PCCA: variants seen among roughly 807,000 people sequenced by gnomAD.
PCCA encodes propionyl-CoA carboxylase alpha chain, mitochondrial.
In PCCA, 74 loss-of-function variants were observed where a neutral mutation model predicts 101.3. That is an observed-to-expected ratio of 0.73 (90% CI 0.61 to 0.89). PCCA has a LOEUF of 0.89. PCCA is among the 40% of genes least tolerant of loss of function. The pLI is 0.00. For missense variants in PCCA, 891 were observed against 907.0 expected (o/e 0.98, Z 0.23); for synonymous variants, 294 against 313.6 (o/e 0.94, Z 0.66).
At chr13:100,174,002 A>C (rs1316924322) in intron 6 of PCCA, among the ~76,000 whole-genome samples, 1 of 152,172 alleles carries the variant, frequency 6.6e-6, no homozygotes, top group African/African-American at 2.4e-5. Context: ...TTTTCTTTAT[A>C]AATTACCCAG....
chr13:100,237,238 T>C (rs1179325850), intron 8 of PCCA: 1 of 152,244 alleles, frequency 6.6e-6, no homozygotes, highest in Admixed American at 6.5e-5. Flanking sequence ...CAGTTTGGCT[T>C]ATTGCACCCT....
At chr13:100,451,739 TTCTCTC>T (rs2081264143) in intron 21 of PCCA, among the ~76,000 whole-genome samples, 3 of 87,262 alleles carry the variant, frequency 3.4e-5, no homozygotes, top group Admixed American at 1.3e-4. Context: ...TCTCTCTCTC[TTCTCTC>T]CTTCCTCTCC....
At chr13:100,131,184 G>C (rs1411138043) in intron 4 of PCCA, among the ~76,000 whole-genome samples, 8 of 152,112 alleles carry the variant, frequency 5.3e-5, no homozygotes, top group Non-Finnish European at 1.2e-4. Flanking sequence ...TTCTCTGTGA[G>C]GTCTGTGCAA....
intron 22 of PCCA, 134 bp from the exon 23 acceptor site, chr13:100,527,541 A>G (rs1372737976): frequency 8.4e-6 from 6 of 713,874 alleles, no homozygotes; most frequent in Non-Finnish European, 1.5e-5. Context: ...AATAGGAAAC[A>G]TTAGAGATTG....
chr13:100,262,330 G>A (rs2062575372), intron 9 of PCCA, among the ~76,000 whole-genome samples: 1 of 151,864 alleles, frequency 6.6e-6, no homozygotes, highest in Non-Finnish European at 1.5e-5. Context: ...GCAGGCAGAG[G>A]TTGCAGTGAG....
At chr13:100,158,870 C>A (rs2054142259) in intron 6 of PCCA, among the ~76,000 whole-genome samples, 1 of 151,810 alleles carries the variant, frequency 6.6e-6, no homozygotes, top group Non-Finnish European at 1.5e-5. Context: ...GCCTATCAAG[C>A]CTAAAATACT....
At chr13:100,308,096 G>A (rs1209225975) in intron 15 of PCCA, among the ~76,000 whole-genome samples, 4 of 151,996 alleles carry the variant, frequency 2.6e-5, no homozygotes, top group Non-Finnish European at 5.9e-5. Context: ...CTCGTGATCC[G>A]CCCGCCTCGG....
intron 7 of PCCA, among the ~76,000 whole-genome samples, chr13:100,216,716 A>G (rs1473691787): frequency 3.3e-5 from 5 of 152,250 alleles, no homozygotes; most frequent in African/African-American, 1.2e-4. Context: ...GACAATAGAA[A>G]CATATCCACA....
In PCCA at chr13:100,277,426, C is replaced by G. The variant is rs117802630; in HGVS notation, c.1065+4080C>G. On this transcript the variant is annotated intron_variant, in intron 12 of 23. Transcript: ENST00000376285. ...TTTTCATCTTGGTTTTGGCTGATCCCTTCCTATATTCTTACCCTGTGATGT... is the reference window on the plus strand; with the variant it reads ...TTTTCATCTTGGTTTTGGCTGATCCGTTCCTATATTCTTACCCTGTGATGT... Among the ~76,000 whole-genome samples the G allele has an allele frequency of 2.6e-4, 39 of 152,174 alleles. No individual in the cohort carries two copies. In the East Asian group the frequency reaches 7.3e-3, roughly 29 times the overall value.
At chr13:100,473,785 T>C (rs1180386942) in intron 21 of PCCA, among the ~76,000 whole-genome samples, 1 of 152,260 alleles carries the variant, frequency 6.6e-6, no homozygotes, top group Non-Finnish European at 1.5e-5. Flanking sequence ...CAACTTATTA[T>C]CATCATTGTC....
intron 21 of PCCA, among the ~76,000 whole-genome samples, chr13:100,475,018 A>G (rs1187265689): frequency 6.6e-6 from 1 of 152,122 alleles, no homozygotes; most frequent in East Asian, 1.9e-4. Context: ...TATTTGGGAC[A>G]TATGCTAACA....
chr13:100,151,317 C>T (rs1355888963), intron 4 of PCCA, among the ~76,000 whole-genome samples: 1 of 152,006 alleles, frequency 6.6e-6, no homozygotes, highest in Admixed American at 6.6e-5. Flanking sequence ...CTTGGCTGGG[C>T]GCGGTGGCTC....
chr13:100,474,291 C>T (rs1316162112), intron 21 of PCCA, among the ~76,000 whole-genome samples: 2 of 152,028 alleles, frequency 1.3e-5, no homozygotes, highest in Admixed American at 1.3e-4. Context: ...CATGTTTTTC[C>T]TTTATGTATC....
chr13:100,271,016 C>G (rs1342997781), intron 11 of PCCA, among the ~76,000 whole-genome samples: 2 of 151,698 alleles, frequency 1.3e-5, no homozygotes, highest in African/African-American at 2.4e-5. Flanking sequence ...CTCCCCCACC[C>G]CCCGAAAAAT....
At chr13:100,286,143 G>C (rs1258961102) in intron 12 of PCCA, among the ~76,000 whole-genome samples, 1 of 152,146 alleles carries the variant, frequency 6.6e-6, no homozygotes, top group Non-Finnish European at 1.5e-5. Context: ...TATGAGGAAC[G>C]GGACTAAGAT....
chr13:100,108,998 G>C (rs9582369), intron 2 of PCCA, among the ~76,000 whole-genome samples: 2,024 of 152,254 alleles, frequency 0.013, 38 homozygotes, highest in African/African-American at 0.046. Flanking sequence ...TACATTAATA[G>C]CCCTTAACAG....
intron 6 of PCCA, among the ~76,000 whole-genome samples, chr13:100,193,007 G>C (rs1004155772): frequency 1.3e-5 from 2 of 152,136 alleles, no homozygotes; most frequent in African/African-American, 4.8e-5. Context: ...CTGCTTCCGA[G>C]AGTGAAAAGG....
intron 16 of PCCA, among the ~76,000 whole-genome samples, chr13:100,323,404 C>G (rs1436158237): frequency 2.6e-5 from 4 of 152,008 alleles, no homozygotes; most frequent in Non-Finnish European, 5.9e-5. Flanking sequence ...TCACTACAAC[C>G]TTCACCTCCC....
chr13:100,394,982 G>A lies in PCCA; in HGVS notation c.1746+26408G>A, dbSNP rs974764694. ...GGGTTGTGATCTCTCCCAGAATCCC[G>A]TTCATGCATTGTGTTTAGGATGAAA... On this transcript the variant is annotated intron_variant, in intron 19 of 23. Transcript: ENST00000376285. This position sits in a 1 kb window ranked among gnomAD's most constrained non-coding sequence, Gnocchi z 4.3. 9.2e-5 allele frequency among the ~76,000 whole-genome samples: 14 copies of A among 152,074 alleles called. No individual in the cohort carries two copies. The highest frequency in any genetic ancestry group is 2.4e-4 in the African/African-American group (10 of 41,414).
Sources: gnomAD v4.1 joint callset for allele counts (sites outside exome capture counted in the v4.1 genomes callset) on GRCh38, gnomAD v4.1.1 for gene constraint, Gnocchi (gnomAD v3.1) non-coding constraint, MANE v1.5 for transcripts, NCBI Gene and HGNC (gene_info 2026-07-23, HGNC 2026-07-21) for gene names.